FGF13: variants seen among roughly 807,000 people sequenced by gnomAD.
FGF13 encodes the protein fibroblast growth factor homologous factor 2.
Under a neutral mutation model 19.5 loss-of-function variants are expected in FGF13, and 2 were observed. That is an observed-to-expected ratio of 0.10 (90% CI 0.04 to 0.32). The LOEUF is 0.32. Ranked by LOEUF, FGF13 falls within the 10% of genes least tolerant of loss-of-function variation. The probability of loss-of-function intolerance (pLI) is 1.00; values close to 1 mark genes in which losing one functional copy is unlikely to be tolerated. For missense variants in FGF13, 113 were observed against 192.7 expected (o/e 0.59, Z 2.45); for synonymous variants, 72 against 76.9 (o/e 0.94, Z 0.33).
chrX:138,888,171 G>T (rs1000047856), intron 1 of FGF13, among the ~76,000 whole-genome samples: 7 of 112,144 alleles, frequency 6.2e-5, no homozygotes, highest in Admixed American at 3.8e-4. Flanking sequence ...TTGGCCATTT[G>T]CTAACCTACA....
At chrX:138,893,296 T>C (rs947807038) in intron 1 of FGF13, among the ~76,000 whole-genome samples, 1 of 111,766 alleles carries the variant, frequency 8.9e-6, no homozygotes, top group African/African-American at 3.3e-5. Flanking sequence ...ATTTGCCTCA[T>C]AGCAAATTGA....
chrX:138,756,894 A>T (rs1309974661), intron 3 of FGF13, among the ~76,000 whole-genome samples: 22 of 111,278 alleles, frequency 2.0e-4, no homozygotes, highest in Non-Finnish European at 1.3e-4. Flanking sequence ...CTTTCTCTTG[A>T]TCTAATTCCA....
chrX:139,152,992 A>C (rs1432987910), intron 1 of FGF13, among the ~76,000 whole-genome samples: 3 of 111,369 alleles, frequency 2.7e-5, no homozygotes, highest in Non-Finnish European at 3.8e-5. Context: ...CAGAAAAATA[A>C]GTAGGCAATT....
chrX:138,816,753 C>A (rs1414760682), intron 3 of FGF13, among the ~76,000 whole-genome samples: 1 of 112,074 alleles, frequency 8.9e-6, no homozygotes, highest in Non-Finnish European at 1.9e-5. Flanking sequence ...CATTATGAGA[C>A]CTTTTTTGCA....
intron 3 of FGF13, among the ~76,000 whole-genome samples, chrX:138,828,077 T>C (rs944750964): frequency 8.9e-6 from 1 of 111,850 alleles, no homozygotes; most frequent in Non-Finnish European, 1.9e-5. Flanking sequence ...GTTTACATTA[T>C]AGGTAATTGC....
intron 1 of FGF13, among the ~76,000 whole-genome samples, chrX:138,935,188 C>A (rs939330282): frequency 9.0e-6 from 1 of 111,371 alleles, no homozygotes; most frequent in Admixed American, 9.5e-5. Flanking sequence ...CTCTGGAAGT[C>A]AAGGTCTGCT....
At chrX:139,175,322 A>T (rs1391661754) in intron 1 of FGF13, among the ~76,000 whole-genome samples, 1 of 112,310 alleles carries the variant, frequency 8.9e-6, no homozygotes, top group Non-Finnish European at 1.9e-5. Context: ...TGTCTAATCT[A>T]AATATACAGT....
At chrX:139,170,266 G>A (rs2148261925) in intron 1 of FGF13, among the ~76,000 whole-genome samples, 1 of 111,360 alleles carries the variant, frequency 9.0e-6, no homozygotes, top group African/African-American at 3.3e-5. Context: ...CACTCAGCAA[G>A]CTAAGCCTTT....
At chrX:139,150,653 C>T (rs2083927519) in intron 1 of FGF13, among the ~76,000 whole-genome samples, 1 of 112,036 alleles carries the variant, frequency 8.9e-6, no homozygotes, top group Non-Finnish European at 1.9e-5. Flanking sequence ...TTACTGAGCC[C>T]TTTCTATGTG....
At chrX:138,732,392 A>G (rs1221319874) in intron 1 of FGF13, among the ~76,000 whole-genome samples, 3 of 112,335 alleles carry the variant, frequency 2.7e-5, no homozygotes, top group East Asian at 2.8e-4. Flanking sequence ...TGCAATGGAT[A>G]CTAGTCAGCC....
intron 3 of FGF13, among the ~76,000 whole-genome samples, chrX:138,689,542 AG>A (rs1172502115): frequency 8.9e-6 from 1 of 111,982 alleles, no homozygotes; most frequent in Non-Finnish European, 1.9e-5. Context: ...TGAAACTCCT[AG>A]TCTCACCAAG....
intron 1 of FGF13, among the ~76,000 whole-genome samples, chrX:138,963,996 G>A (rs750899814): frequency 9.9e-5 from 11 of 111,511 alleles, no homozygotes; most frequent in Non-Finnish European, 1.1e-4. Flanking sequence ...CTAGGAGACT[G>A]ACTTGAACTG....
rs2089021305 is a variant in FGF13, at chrX:138,622,256, C to CA, written c.*10593dup. On this transcript the variant is annotated 3_prime_UTR_variant, in exon 5 of 5. Coordinates refer to ENST00000315930, the MANE Select transcript of FGF13 (RefSeq NM_004114.5). ...ACATCACATTAAAAAGATCATTCAC[C>CA]ATAATCAAGTGAGAGTTATCCCTGG... The CA allele has an allele frequency of 9.0e-6, 1 of 111,101 alleles. No homozygotes were observed. The highest frequency in any genetic ancestry group is 3.3e-5 in the African/African-American group (1 of 30,629). The allele number at this position is 111,101 out of a possible 1,213,427, so 9.2% of individuals were successfully genotyped here. A position where few individuals can be genotyped will look rare whatever the true frequency, so the allele number is the denominator to read the frequency against.
At chrX:139,013,788 C>T (rs1245248663) in intron 1 of FGF13, among the ~76,000 whole-genome samples, 1 of 108,484 alleles carries the variant, frequency 9.2e-6, no homozygotes, top group Non-Finnish European at 1.9e-5. Flanking sequence ...GTACACTGCT[C>T]GGGTGATGGG....
At chrX:139,187,437 G>A (rs945551352) in intron 1 of FGF13, among the ~76,000 whole-genome samples, 1 of 112,357 alleles carries the variant, frequency 8.9e-6, no homozygotes, top group Non-Finnish European at 1.9e-5. Flanking sequence ...TTCTGGAATA[G>A]TTGTGTCTTA....
At position 138,653,528 on chromosome X, in the gene FGF13, T is replaced by C. The variant is rs557973718; in HGVS notation, c.403-17873A>G. The stretch of plus-strand genomic sequence containing the variant: ...TACACAAGTGTTTTATCAACAGCAA[T>C]AAACACAAAATGTATCTTTATTCTA... On this transcript the variant is annotated intron_variant, in intron 3 of 4. Coordinates refer to ENST00000315930, the MANE Select transcript of FGF13 (RefSeq NM_004114.5). Among the ~76,000 whole-genome samples, 6 of 111,934 alleles carry C rather than the reference T, an allele frequency of 5.4e-5. No homozygotes were observed. In the South Asian group the frequency reaches 2.3e-3, roughly 42 times the overall value.
intron 1 of FGF13, among the ~76,000 whole-genome samples, chrX:139,045,589 T>G (rs1208424138): frequency 1.8e-5 from 2 of 112,534 alleles, no homozygotes; most frequent in Non-Finnish European, 3.7e-5. Context: ...CATCTGAGCA[T>G]AGGCTATTAG....
intron 1 of FGF13, among the ~76,000 whole-genome samples, chrX:138,727,358 T>A (rs565136153): frequency 2.7e-5 from 3 of 109,947 alleles, no homozygotes; most frequent in African/African-American, 9.9e-5. Flanking sequence ...ACTGGGGAGA[T>A]CTGTAGATCT....
chrX:138,720,190 C>T (rs1285956928), intron 1 of FGF13, among the ~76,000 whole-genome samples: 3 of 112,110 alleles, frequency 2.7e-5, no homozygotes, highest in African/African-American at 6.5e-5. Context: ...AATGACATAA[C>T]GAAACCAAAT....
Sources: allele counts gnomAD v4.1 joint callset (sites outside exome capture counted in the v4.1 genomes callset), GRCh38; gene constraint gnomAD v4.1.1; transcripts MANE v1.5; gene names NCBI Gene and HGNC (gene_info 2026-07-23, HGNC 2026-07-21).